NPAS3: variants seen among roughly 807,000 people sequenced by gnomAD.
The protein encoded by NPAS3 is neuronal PAS domain-containing protein 3.
Under a neutral mutation model 73.1 loss-of-function variants are expected in NPAS3, and 14 were observed. That is an observed-to-expected ratio of 0.19 (90% CI 0.13 to 0.30). The LOEUF (loss-of-function observed/expected upper bound fraction) is 0.30, where lower values mean the gene tolerates loss of function less well. Ranked by LOEUF, NPAS3 falls within the 10% of genes least tolerant of loss-of-function variation. The pLI is 1.00. For synonymous variants in NPAS3, 620 were observed against 541.5 expected, an observed-to-expected ratio of 1.14 and a Z score of -2.01; for missense variants, 1,096 against 1,250.0, an observed-to-expected ratio of 0.88 and a Z score of 1.86.
chr14:33,629,038 T>A (rs2058301185), intron 5 of NPAS3, among the ~76,000 whole-genome samples: 1 of 151,912 alleles, frequency 6.6e-6, no homozygotes, highest in African/African-American at 2.4e-5. Flanking sequence ...GAGACCATCC[T>A]GGCTAACACG....
At chr14:33,495,573 T>C (rs1343064331) in intron 4 of NPAS3, among the ~76,000 whole-genome samples, 1 of 151,918 alleles carries the variant, frequency 6.6e-6, no homozygotes, top group African/African-American at 2.4e-5. Flanking sequence ...GACAGTGGGG[T>C]GTTAAATTCT....
chr14:33,557,786 G>A (rs1213419926), intron 4 of NPAS3, among the ~76,000 whole-genome samples: 4 of 152,138 alleles, frequency 2.6e-5, no homozygotes, highest in Admixed American at 1.3e-4. Flanking sequence ...TGGCTAACAC[G>A]GTGAAACCCC....
At chr14:33,527,616 C>T (rs1408669928) in intron 4 of NPAS3, among the ~76,000 whole-genome samples, 1 of 152,104 alleles carries the variant, frequency 6.6e-6, no homozygotes, top group Non-Finnish European at 1.5e-5. Context: ...ATAATAAATG[C>T]ATGGTCACAT....
At chr14:32,969,654 AG>A (rs1411392977) in intron 1 of NPAS3, among the ~76,000 whole-genome samples, 7 of 152,190 alleles carry the variant, frequency 4.6e-5, no homozygotes, top group Admixed American at 4.6e-4. Context: ...TAGAAGTACT[AG>A]ATTAGAATGT....
chr14:33,552,625 G>A (rs577016899), intron 4 of NPAS3, among the ~76,000 whole-genome samples: 8 of 150,848 alleles, frequency 5.3e-5, no homozygotes, highest in East Asian at 1.9e-4. Context: ...GTCTATATTC[G>A]ACAGGATGTA....
intron 3 of NPAS3, among the ~76,000 whole-genome samples, chr14:33,330,588 A>G (rs900628444): frequency 2.6e-5 from 4 of 152,240 alleles, no homozygotes; most frequent in Non-Finnish European, 4.4e-5. Flanking sequence ...GGCTAACTCT[A>G]TTCACTGTGT....
intron 6 of NPAS3, among the ~76,000 whole-genome samples, chr14:33,721,153 G>C (rs190316999): frequency 1.3e-5 from 2 of 152,204 alleles, no homozygotes; most frequent in East Asian, 3.9e-4. Context: ...TAAAGTAAGT[G>C]AATTCTTTTG....
At chr14:33,548,862 A>G (rs542216384) in intron 4 of NPAS3, among the ~76,000 whole-genome samples, 17 of 152,360 alleles carry the variant, frequency 1.1e-4, no homozygotes, top group African/African-American at 3.6e-4. Flanking sequence ...GGGAGAGATC[A>G]CATGTGTTGA....
intron 1 of NPAS3, among the ~76,000 whole-genome samples, chr14:33,051,890 G>T (rs1257362481): frequency 2.6e-5 from 4 of 152,102 alleles, no homozygotes; most frequent in Admixed American, 6.6e-5. Flanking sequence ...CTTCTGAGTA[G>T]CTGGGACTAC....
At chr14:33,138,324 T>A (rs966984625) in intron 2 of NPAS3, among the ~76,000 whole-genome samples, 9 of 151,174 alleles carry the variant, frequency 6.0e-5, no homozygotes, top group African/African-American at 2.2e-4. Context: ...GACTGACACA[T>A]TTAAATCATC....
chr14:33,413,627 G>A (rs762662838), intron 4 of NPAS3, among the ~76,000 whole-genome samples: 10 of 152,140 alleles, frequency 6.6e-5, no homozygotes, highest in African/African-American at 1.2e-4. Context: ...TGAGCAGGCA[G>A]TGTGGCTGAA....
chr14:33,651,054 C>T (rs985478432), intron 5 of NPAS3, among the ~76,000 whole-genome samples: 2 of 152,196 alleles, frequency 1.3e-5, no homozygotes, highest in Non-Finnish European at 2.9e-5. Flanking sequence ...ACAAAGACTG[C>T]GGTCATCCCC....
chr14:33,373,391 T>C (rs920414052), intron 4 of NPAS3, among the ~76,000 whole-genome samples: 1 of 139,294 alleles, frequency 7.2e-6, no homozygotes. Context: ...ACTATATGTG[T>C]GTGTGTGTGT....
At chr14:32,984,186 C>G (rs1281514987) in intron 1 of NPAS3, among the ~76,000 whole-genome samples, 1 of 152,174 alleles carries the variant, frequency 6.6e-6, no homozygotes, top group Non-Finnish European at 1.5e-5. Context: ...GCAACCCTGA[C>G]CTGTTATAGT....
chr14:33,414,110 A>T (rs983849225), intron 4 of NPAS3, among the ~76,000 whole-genome samples: 1 of 152,100 alleles, frequency 6.6e-6, no homozygotes, highest in Non-Finnish European at 1.5e-5. Context: ...ATTTCCATGC[A>T]TTTTACTTCT....
intron 5 of NPAS3, among the ~76,000 whole-genome samples, chr14:33,574,210 C>T (rs2056343718): frequency 6.6e-6 from 1 of 151,998 alleles, no homozygotes; most frequent in Admixed American, 6.5e-5. Context: ...GAAGGCAAGC[C>T]TCAGAAAATC....
chr14:33,450,972 A>G (rs192021765), intron 4 of NPAS3, among the ~76,000 whole-genome samples: 21 of 152,336 alleles, frequency 1.4e-4, no homozygotes, highest in Admixed American at 8.5e-4. Flanking sequence ...ACAATTTGAA[A>G]TAATGGTATT....
At chr14:33,427,452 G>C (rs116939556) in intron 4 of NPAS3, among the ~76,000 whole-genome samples, 2 of 151,454 alleles carry the variant, frequency 1.3e-5, no homozygotes, top group South Asian at 4.2e-4. Context: ...ACTTTTATAC[G>C]GTGCTGTGTT....
intron 4 of NPAS3, among the ~76,000 whole-genome samples, chr14:33,484,607 T>C (rs981627577): frequency 6.6e-6 from 1 of 152,192 alleles, no homozygotes; most frequent in African/African-American, 2.4e-5. Flanking sequence ...AAATAGTACA[T>C]GCTTAGAGAG....
Sources: gnomAD v4.1 joint callset for allele counts (sites outside exome capture counted in the v4.1 genomes callset) on GRCh38, gnomAD v4.1.1 for gene constraint, MANE v1.5 for transcripts, NCBI Gene and HGNC (gene_info 2026-07-23, HGNC 2026-07-21) for gene names.